Variants in PTPRN2 observed in about 807,000 individuals in gnomAD.
PTPRN2 encodes the protein protein tyrosine phosphatase receptor type N2.
In PTPRN2, 74 loss-of-function variants were observed where a neutral mutation model predicts 118.8. That is an observed-to-expected ratio of 0.62 (90% CI 0.52 to 0.76). The LOEUF is 0.76. PTPRN2 is among the 30% of genes least tolerant of loss of function. The probability of loss-of-function intolerance (pLI) is 0.00; values close to 1 mark genes in which losing one functional copy is unlikely to be tolerated. For synonymous variants in PTPRN2, 641 were observed against 608.0 expected (o/e 1.05, Z -0.80); for missense variants, 1,481 against 1,394.4 (o/e 1.06, Z -0.99).
At chr7:158,164,112 G>A (rs1316862202) in intron 6 of PTPRN2, among the ~76,000 whole-genome samples, 1 of 151,712 alleles carries the variant, frequency 6.6e-6, no homozygotes, top group Non-Finnish European at 1.5e-5. Flanking sequence ...AGCACGGTCA[G>A]GACGCTTGTT....
At chr7:158,411,660 T>C (rs1271226552) in intron 2 of PTPRN2, among the ~76,000 whole-genome samples, 1 of 152,200 alleles carries the variant, frequency 6.6e-6, no homozygotes, top group African/African-American at 2.4e-5. Flanking sequence ...TTGGGAAACC[T>C]GGGTACCAAG....
Position 157,873,407 on chromosome 7 carries a change from G to A in PTPRN2, c.1788+25266C>T, listed in dbSNP as rs187422966. Among the ~76,000 whole-genome samples, 495 of 152,178 alleles carry A rather than the reference G, an allele frequency of 3.3e-3. 1 individual carries two copies. The highest frequency in any genetic ancestry group is 0.01 in the African/African-American group (433 of 41,438). On this transcript the variant is annotated intron_variant, in intron 12 of 22. Coordinates refer to ENST00000389418, the MANE Select transcript of PTPRN2 (RefSeq NM_002847.5). ...GGGCCGCGCCCCGAGGCTTTGCTCC[G>A]ACGTGTGCCAAGGACATGTGCTGGG...
At chr7:158,117,656 C>T (rs1816833815) in intron 9 of PTPRN2, among the ~76,000 whole-genome samples, 1 of 152,242 alleles carries the variant, frequency 6.6e-6, no homozygotes, top group South Asian at 2.1e-4. Context: ...GAATTCTCCT[C>T]TTACATTTGA....
intron 14 of PTPRN2, among the ~76,000 whole-genome samples, chr7:157,656,027 G>A (rs951097191): frequency 4.5e-5 from 5 of 110,818 alleles, no homozygotes; most frequent in African/African-American, 1.2e-4. Flanking sequence ...GGCCCAAAAC[G>A]GCAGCGCACA....
At chr7:158,263,040 A>T (rs1215503823) in intron 3 of PTPRN2, among the ~76,000 whole-genome samples, 1 of 147,874 alleles carries the variant, frequency 6.8e-6, no homozygotes, top group Non-Finnish European at 1.5e-5. Flanking sequence ...CATATTCACA[A>T]AATGCACATA....
chr7:158,019,775 G>A (rs548782129), intron 11 of PTPRN2, among the ~76,000 whole-genome samples: 6 of 147,272 alleles, frequency 4.1e-5, no homozygotes, highest in South Asian at 2.1e-4. Flanking sequence ...TGGCAATGCC[G>A]GGGGAGCCGC....
At chr7:158,164,580 C>T (rs180884057) in intron 6 of PTPRN2, among the ~76,000 whole-genome samples, 2 of 151,790 alleles carry the variant, frequency 1.3e-5, no homozygotes, top group Admixed American at 6.6e-5. Context: ...AGCAGGAATG[C>T]GTCCTATTCT....
intron 3 of PTPRN2, among the ~76,000 whole-genome samples, chr7:158,287,212 G>C (rs1177755486): frequency 1.3e-5 from 2 of 151,888 alleles, no homozygotes; most frequent in Non-Finnish European, 2.9e-5. Context: ...CATTCCACTT[G>C]ACTTTTCTCT....
chr7:158,539,721 G>C, intron 1 of PTPRN2: 1 of 258,102 alleles, frequency 3.9e-6, no homozygotes, highest in South Asian at 3.5e-5. Flanking sequence ...GTGACGGCTG[G>C]GGACATACTG....
chr7:158,203,206 T>C (rs987592070), intron 4 of PTPRN2, among the ~76,000 whole-genome samples: 1 of 113,080 alleles, frequency 8.8e-6, no homozygotes, highest in Non-Finnish European at 1.6e-5. Context: ...CACTCCGGCC[T>C]AGGTGATGAA....
intron 6 of PTPRN2, among the ~76,000 whole-genome samples, chr7:158,160,205 G>C (rs1822237114): frequency 6.6e-6 from 1 of 152,210 alleles, no homozygotes; most frequent in Non-Finnish European, 1.5e-5. Flanking sequence ...ATCCAGTAAA[G>C]CTTCATTTTG....
intron 17 of PTPRN2, among the ~76,000 whole-genome samples, chr7:157,580,742 G>A (rs1198821038): frequency 2.5e-5 from 3 of 120,634 alleles, no homozygotes; most frequent in African/African-American, 1.0e-4. Flanking sequence ...ACCAGCACCT[G>A]CACACCCCAG....
intron 4 of PTPRN2, among the ~76,000 whole-genome samples, chr7:158,195,189 T>C (rs1485875789): frequency 6.6e-6 from 1 of 152,238 alleles, no homozygotes; most frequent in African/African-American, 2.4e-5. Context: ...TTTACCTTTG[T>C]ATCTGAAGGA....
Position 158,176,874 on chromosome 7 carries a change from G to A in PTPRN2, c.550-9583C>T, listed in dbSNP as rs899140046. On this transcript the variant is annotated intron_variant, in intron 5 of 22. Transcript: ENST00000389418. The stretch of plus-strand genomic sequence containing the variant: ...ACATGTGGAGGCCACGGTCCTCATC[G>A]CTGTGTGCCTCCACACCTGCTCCTC... 1.6e-4 allele frequency among the ~76,000 whole-genome samples: 25 copies of A among 152,202 alleles called. 1 individual carries two copies. Among genetic ancestry groups the A allele is most frequent in the Admixed American group, 7.2e-4 (11 of 15,280 alleles).
chr7:158,045,935 G>T (rs1808824596), intron 11 of PTPRN2, among the ~76,000 whole-genome samples: 2 of 149,812 alleles, frequency 1.3e-5, no homozygotes, highest in Admixed American at 1.3e-4. Context: ...TTCTGTCCAG[G>T]AGCAGAACCT....
intron 14 of PTPRN2, among the ~76,000 whole-genome samples, chr7:157,630,899 A>G (rs1803899800): frequency 6.6e-6 from 1 of 152,252 alleles, no homozygotes; most frequent in Admixed American, 6.5e-5. Context: ...ACGTATCTGC[A>G]GTAAGTCATA....
intron 2 of PTPRN2, among the ~76,000 whole-genome samples, chr7:158,385,718 A>G (rs1488819726): frequency 6.6e-6 from 1 of 152,194 alleles, no homozygotes; most frequent in Non-Finnish European, 1.5e-5. Context: ...GCTACGTGAT[A>G]CCAGAAAACG....
Position 158,363,441 on chromosome 7 carries a change from ACT to A in PTPRN2, c.164-46511_164-46510del, listed in dbSNP as rs372739408. Among the ~76,000 whole-genome samples the A allele has an allele frequency of 2.1e-3, 317 of 152,058 alleles. 2 individuals carry two copies. Among genetic ancestry groups the A allele is most frequent in the African/African-American group, 7.4e-3 (308 of 41,486 alleles). The stretch of plus-strand genomic sequence containing the variant: ...GGAAAAAACAAAACATACAAGTGAA[ACT>A]CAGCCCACAGCTCTGAATTCATTCT... On this transcript the variant is annotated intron_variant, in intron 2 of 22. Coordinates refer to ENST00000389418, the MANE Select transcript of PTPRN2 (RefSeq NM_002847.5).
rs1803975665 is a variant in PTPRN2, at chr7:157,785,474, A to G, written c.1789-102537T>C. ...GGCCCCAGGCCGGCCCCACTCCCAG[A>G]CTAGAGCCAGCACTCGCGGGCAGGC... On this transcript the variant is annotated intron_variant, in intron 12 of 22. Transcript: ENST00000389418. The surrounding 1 kb of genome is among the most constrained non-coding windows in gnomAD (Gnocchi z 7.3). Among the ~76,000 whole-genome samples, 1 of 152,152 alleles carries G rather than the reference A, an allele frequency of 6.6e-6. No homozygotes were observed. Among genetic ancestry groups the G allele is most frequent in the South Asian group, 2.1e-4 (1 of 4,830 alleles).
Sources: gnomAD v4.1 joint callset for allele counts (sites outside exome capture counted in the v4.1 genomes callset) on GRCh38, gnomAD v4.1.1 for gene constraint, Gnocchi (gnomAD v3.1) non-coding constraint, MANE v1.5 for transcripts, NCBI Gene and HGNC (gene_info 2026-07-23, HGNC 2026-07-21) for gene names.